Variants in RASSF5 observed in about 807,000 individuals in gnomAD.
RASSF5 encodes the protein ras association domain-containing protein 5.
Under a neutral mutation model 40.5 loss-of-function variants are expected in RASSF5, and 25 were observed. That is an observed-to-expected ratio of 0.62 (90% confidence interval 0.45 to 0.86). RASSF5 has a LOEUF of 0.86. RASSF5 is among the 40% of genes least tolerant of loss of function. RASSF5 has a pLI of 0.00. For synonymous variants in RASSF5, 246 were observed against 252.4 expected (o/e 0.97, Z 0.24); for missense variants, 521 against 572.8 (o/e 0.91, Z 0.92).
chr1:206,527,822 A>G (rs1347101108), intron 1 of RASSF5, among the ~76,000 whole-genome samples: 1 of 152,144 alleles, frequency 6.6e-6, no homozygotes, highest in Non-Finnish European at 1.5e-5. Flanking sequence ...CAAGCAGTGC[A>G]GAGTAGGGAC....
intron 2 of RASSF5, among the ~76,000 whole-genome samples, chr1:206,563,830 C>T (rs978838260): frequency 2.6e-4 from 39 of 152,302 alleles, no homozygotes; most frequent in African/African-American, 9.1e-4. Flanking sequence ...GGATTTGCCC[C>T]CAGTCACACA....
intron 2 of RASSF5, chr1:206,557,734 A>G: frequency 1.2e-6 from 2 of 1,601,814 alleles, no homozygotes; most frequent in Non-Finnish European, 1.7e-6. Flanking sequence ...TCGTGGGGGG[A>G]AATAACCTCT....
At chr1:206,519,076 G>A (rs782406268) in intron 1 of RASSF5, among the ~76,000 whole-genome samples, 6 of 152,206 alleles carry the variant, frequency 3.9e-5, no homozygotes, top group South Asian at 4.1e-4. Context: ...TCCCGGCCTC[G>A]GGAAGTGGCC....
intron 1 of RASSF5, chr1:206,529,678 C>CTAAA: frequency 1.3e-6 from 1 of 749,986 alleles, no homozygotes; most frequent in Non-Finnish European, 2.4e-6. Flanking sequence ...AAGGCAAAGG[C>CTAAA]TAAAGAACTT....
intron 2 of RASSF5, among the ~76,000 whole-genome samples, chr1:206,578,617 CA>C (rs1254979284): frequency 6.6e-6 from 1 of 152,034 alleles, no homozygotes; most frequent in Non-Finnish European, 1.5e-5. Flanking sequence ...AATTTTTTAG[CA>C]AAAATTAGGT....
chr1:206,539,539 C>A (rs1667495230), intron 2 of RASSF5, among the ~76,000 whole-genome samples: 1 of 152,138 alleles, frequency 6.6e-6, no homozygotes, highest in African/African-American at 2.4e-5. Flanking sequence ...TATTAGAAAG[C>A]AAGAATGATA....
At chr1:206,515,420 T>G (rs760218228) in intron 1 of RASSF5, among the ~76,000 whole-genome samples, 1 of 152,056 alleles carries the variant, frequency 6.6e-6, no homozygotes, top group Non-Finnish European at 1.5e-5. Flanking sequence ...GTGTTCAGGG[T>G]GTGTAGGGGG....
At chr1:206,525,503 G>A (rs1300800947) in intron 1 of RASSF5, among the ~76,000 whole-genome samples, 1 of 152,082 alleles carries the variant, frequency 6.6e-6, no homozygotes, top group Non-Finnish European at 1.5e-5. Flanking sequence ...TGAACTCCTG[G>A]GCTTGAGCCA....
At chr1:206,553,405 T>G (rs918981685) in intron 2 of RASSF5, among the ~76,000 whole-genome samples, 1 of 152,046 alleles carries the variant, frequency 6.6e-6, no homozygotes, top group Non-Finnish European at 1.5e-5. Context: ...GAGGCAGAGA[T>G]AGAAACATGG....
chr1:206,513,591 C>T lies in RASSF5; in HGVS notation c.457+5532C>T, dbSNP rs552506688. 3.3e-5 allele frequency among the ~76,000 whole-genome samples: 5 copies of T among 152,340 alleles called. No homozygotes were observed. The highest frequency in any genetic ancestry group is 3.9e-4 in the East Asian group (2 of 5,186). On this transcript the variant is annotated intron_variant, in intron 1 of 5. Coordinates refer to ENST00000579436, the MANE Select transcript of RASSF5 (RefSeq NM_182663.4). The surrounding 1 kb of genome is among the most constrained non-coding windows in gnomAD (Gnocchi z 5.0). ...GCTGACTCTGGGCACCTGCCCCTCC[C>T]GCAGGGCTCTGTTCTGACTCTCCAT... is the stretch of plus-strand genomic sequence containing the variant.
At chr1:206,556,538 C>T (rs150339770) in intron 2 of RASSF5, among the ~76,000 whole-genome samples, 12 of 152,334 alleles carry the variant, frequency 7.9e-5, no homozygotes, top group Non-Finnish European at 1.5e-4. Context: ...CAGGCCAAGA[C>T]CCCTCTTTCT....
rs564574736 is a variant in RASSF5 at position 206,587,290 on chromosome 1, G to A, written c.*312G>A. 2.7e-6 allele frequency: 1 copy of A among 366,504 alleles called. No homozygotes were observed. Among genetic ancestry groups the A allele is most frequent in the Admixed American group, 4.0e-5 (1 of 24,860 alleles). The allele number at this position is 366,504 out of a possible 1,614,324, so 22.7% of individuals were successfully genotyped here. A position where few individuals can be genotyped will look rare whatever the true frequency, so the allele number is the denominator to read the frequency against. On this transcript the variant is annotated 3_prime_UTR_variant, in exon 6 of 6. Coordinates refer to ENST00000579436, the MANE Select transcript of RASSF5 (RefSeq NM_182663.4). ...AGTTGCCTCTCTCGTCACCAAACTG[G>A]AACCTCACACCAGCCGGCAAAGGAA...
At chr1:206,567,744 G>A (rs1302939246) in intron 2 of RASSF5, among the ~76,000 whole-genome samples, 2 of 152,166 alleles carry the variant, frequency 1.3e-5, no homozygotes, top group Non-Finnish European at 2.9e-5. Flanking sequence ...ACAAGGGCAG[G>A]CACAAGGGGC....
At chr1:206,557,735 A>T in intron 2 of RASSF5, 1 of 1,601,826 alleles carries the variant, frequency 6.2e-7, no homozygotes, top group East Asian at 2.2e-5. Flanking sequence ...CGTGGGGGGA[A>T]ATAACCTCTG....
At chr1:206,523,512 T>A (rs9787103) in intron 1 of RASSF5, among the ~76,000 whole-genome samples, 1 of 96,384 alleles carries the variant, frequency 1.0e-5, no homozygotes, top group Middle Eastern at 3.7e-3. Context: ...TTTTATATAT[T>A]ATATATTATA....
chr1:206,536,508 T>A (rs989127542), intron 1 of RASSF5, among the ~76,000 whole-genome samples: 16 of 151,320 alleles, frequency 1.1e-4, no homozygotes, highest in Non-Finnish European at 4.4e-5. Flanking sequence ...ATGGTCCAGG[T>A]GCTTATCTTT....
intron 1 of RASSF5, among the ~76,000 whole-genome samples, chr1:206,516,983 G>A (rs1666762998): frequency 6.6e-6 from 1 of 152,176 alleles, no homozygotes; most frequent in African/African-American, 2.4e-5. Flanking sequence ...TTCTGGTACA[G>A]AGGTTGCTTG....
intron 2 of RASSF5, among the ~76,000 whole-genome samples, chr1:206,546,223 T>C (rs6685473): frequency 0.55 from 82,035 of 148,934 alleles, 22,659 homozygotes; most frequent in East Asian, 0.75. Context: ...GATCCTCCAC[T>C]TCAGCCTCTC....
chr1:206,584,807 C>T lies in RASSF5; in HGVS notation c.988+123C>T, dbSNP rs1233912655. ...CTTCTCCTGAGCACCAGGGGTCCAG[C>T]TGCCCATGTGGTGTTCAGATCTGTG... is the stretch of plus-strand genomic sequence containing the variant. On this transcript the variant is annotated intron_variant, in intron 4 of 5. Transcript: ENST00000579436. This position sits in a 1 kb window ranked among gnomAD's most constrained non-coding sequence, Gnocchi z 4.9. The T allele has an allele frequency of 5.3e-5, 54 of 1,025,050 alleles. No individual in the cohort carries two copies. The highest frequency in any genetic ancestry group is 2.1e-4 in the Middle Eastern group (1 of 4,784). The allele number at this position is 1,025,050 out of a possible 1,614,324, so 63.5% of individuals were successfully genotyped here.
Sources: allele counts gnomAD v4.1 joint callset (sites outside exome capture counted in the v4.1 genomes callset), GRCh38; gene constraint gnomAD v4.1.1; non-coding constraint Gnocchi (gnomAD v3.1); transcripts MANE v1.5; gene names NCBI Gene and HGNC (gene_info 2026-07-23, HGNC 2026-07-21).